The following CYREN variants were observed in gnomAD, a reference collection of about 807,000 sequenced individuals.
CYREN encodes the protein cell cycle regulator of non-homologous end joining.
In CYREN, 7 loss-of-function variants were observed where a neutral mutation model predicts 9.7. The observed-to-expected ratio is 0.72, with a 90% confidence interval of 0.41 to 1.36. The LOEUF is 1.36. Ranked by LOEUF, CYREN falls within the 40% of genes most tolerant of loss-of-function variation. The pLI is 0.01. For missense variants in CYREN, 215 were observed against 198.1 expected (o/e 1.09, Z -0.51); for synonymous variants, 76 against 77.9 (o/e 0.98, Z 0.13).
At chr7:135,162,748 G>C (rs1169193537), downstream of CYREN, among the ~76,000 whole-genome samples, 2 of 152,178 alleles carry the variant, frequency 1.3e-5, no homozygotes, top group Non-Finnish European at 2.9e-5. Flanking sequence ...GATTTGGGTA[G>C]GGACACAGCC....
At chr7:135,114,174 T>C (rs28733390) in intron 2 of CYREN, among the ~76,000 whole-genome samples, 73,756 of 152,032 alleles carry the variant, frequency 0.49, 18,264 homozygotes, top group South Asian at 0.66. Flanking sequence ...TATCTATGTC[T>C]CTTTGGGACC....
intron 3 of CYREN, chr7:135,167,242 T>C (rs1830227651): frequency 9.1e-7 from 1 of 1,096,750 alleles, no homozygotes; most frequent in Non-Finnish European, 1.1e-6. Flanking sequence ...CACAGGGTTA[T>C]TGCAAGGCTA....
downstream of CYREN, among the ~76,000 whole-genome samples, chr7:135,161,741 G>A (rs150167871): frequency 3.1e-3 from 466 of 152,124 alleles, 1 homozygote; most frequent in African/African-American, 0.011. This position sits in a 1 kb window ranked among gnomAD's most constrained non-coding sequence, Gnocchi z 4.1. Context: ...ATTCAAACCC[G>A]AGTCTTCAGA....
At chr7:135,159,486 G>A (rs1829875549) in intron 2 of CYREN, among the ~76,000 whole-genome samples, 1 of 152,122 alleles carries the variant, frequency 6.6e-6, no homozygotes, top group Non-Finnish European at 1.5e-5. Flanking sequence ...TCCCTAACTA[G>A]GAATTTGTAT....
chr7:135,155,910 C>G (rs1829780742), intron 2 of CYREN, among the ~76,000 whole-genome samples: 1 of 152,186 alleles, frequency 6.6e-6, no homozygotes, highest in South Asian at 2.1e-4. Context: ...TGAGCATTTC[C>G]TGTAGTACCA....
At chr7:135,144,760 T>TTGA in intron 2 of CYREN, among the ~76,000 whole-genome samples, 1 of 146,874 alleles carries the variant, frequency 6.8e-6, no homozygotes, top group South Asian at 2.2e-4. Context: ...TACCAAAAAA[T>TTGA]TAATAATAAT....
At chr7:135,102,299 T>C (rs1050540214) in intron 2 of CYREN, among the ~76,000 whole-genome samples, 1 of 152,244 alleles carries the variant, frequency 6.6e-6, no homozygotes, top group Admixed American at 6.5e-5. Context: ...AAATTATACT[T>C]ATATTTTCTT....
chr7:135,167,088 A>G (rs1343380836), intron 3 of CYREN: 1 of 985,206 alleles, frequency 1.0e-6, no homozygotes, highest in Non-Finnish European at 1.2e-6. Flanking sequence ...CCCACTCGGG[A>G]GAGAAGCAAG....
intron 2 of CYREN, among the ~76,000 whole-genome samples, chr7:135,113,179 A>G (rs903418121): frequency 6.6e-6 from 1 of 152,220 alleles, no homozygotes; most frequent in South Asian, 2.1e-4. Flanking sequence ...GTAATCATAC[A>G]TTATCTTTCA....
intron 2 of CYREN, among the ~76,000 whole-genome samples, chr7:135,112,175 AT>A (rs1219642873): frequency 6.6e-6 from 1 of 152,090 alleles, no homozygotes; most frequent in Non-Finnish European, 1.5e-5. Context: ...TCAGACCCTC[AT>A]TTTGCCTCCC....
exon 3 of CYREN, chr7:135,093,979 G>C (rs1822255606): frequency 5.8e-6 from 1 of 171,530 alleles, no homozygotes; most frequent in Non-Finnish European, 1.2e-5. Flanking sequence ...AAAGATGCCA[G>C]GACAATTGGA....
Position 135,160,735 on chromosome 7 carries a change from T to TAA in CYREN, n.356+8012_356+8013dup, listed in dbSNP as rs11295955. On this transcript the variant is annotated intron_variant and non_coding_transcript_variant, in intron 2 of 2. Transcript: ENST00000459937. ...TATGTAGCATTTTCATTCGCTCATT[T>TAA]AAAAAAAAAAAACAAAAAAAAGAGC... 6.3e-3 allele frequency among the ~76,000 whole-genome samples: 917 copies of TAA among 145,292 alleles called. 7 individuals are homozygous for TAA. The highest frequency in any genetic ancestry group is 0.032 in the Middle Eastern group (9 of 284).
chr7:135,100,898 T>C (rs898854973), intron 2 of CYREN, among the ~76,000 whole-genome samples: 11 of 152,204 alleles, frequency 7.2e-5, no homozygotes, highest in African/African-American at 2.7e-4. Context: ...TTATGTAACA[T>C]GGGAATAACA....
intron 2 of CYREN, among the ~76,000 whole-genome samples, chr7:135,127,414 G>T (rs1828033310): frequency 6.6e-6 from 1 of 152,130 alleles, no homozygotes; most frequent in South Asian, 2.1e-4. Flanking sequence ...TAGCCGGGGT[G>T]TGGTGGCGCA....
chr7:135,092,666 G>C (rs1333045126), exon 3 of CYREN: 1 of 152,076 alleles, frequency 6.6e-6, no homozygotes, highest in Non-Finnish European at 1.5e-5. Flanking sequence ...TTGTGGGTAG[G>C]AGCAAATCAG....
At chr7:135,165,231 A>T (rs1298858629), downstream of CYREN, 3 of 492,646 alleles carry the variant, frequency 6.1e-6, no homozygotes, top group African/African-American at 5.8e-5. Flanking sequence ...GCTCCCAAAG[A>T]CTCCCTAAAC....
intron 2 of CYREN, among the ~76,000 whole-genome samples, chr7:135,137,213 T>C (rs1400296953): frequency 1.3e-5 from 2 of 150,534 alleles, no homozygotes; most frequent in East Asian, 3.9e-4. Flanking sequence ...AGATGGGAAC[T>C]AAGAAACAAA....
chr7:135,105,054 T>G lies in CYREN; in HGVS notation n.357-10472A>C, dbSNP rs569485600. On this transcript the variant is annotated intron_variant and non_coding_transcript_variant, in intron 2 of 2. Coordinates refer to the CYREN transcript ENST00000459937. The stretch of plus-strand genomic sequence containing the variant: ...TTGTCTTCCAGGGTTTTTATAGTTT[T>G]GGGTTTTACATTCAAGTTTTTTTTT... 7.5e-5 allele frequency among the ~76,000 whole-genome samples: 11 copies of G among 147,476 alleles called. No individual in the cohort carries two copies. In the South Asian group the frequency reaches 2.3e-3, roughly 31 times the overall value.
downstream of CYREN, chr7:135,164,399 T>G (rs1830027329): frequency 6.4e-7 from 1 of 1,556,632 alleles, no homozygotes; most frequent in Non-Finnish European, 8.8e-7. Context: ...ATGGACTGAC[T>G]GCTGTGACTT....
Sources: gnomAD v4.1 joint callset for allele counts (sites outside exome capture counted in the v4.1 genomes callset) on GRCh38, gnomAD v4.1.1 for gene constraint, Gnocchi (gnomAD v3.1) non-coding constraint, MANE v1.5 for transcripts, NCBI Gene and HGNC (gene_info 2026-07-23, HGNC 2026-07-21) for gene names.